The following GPR37L1 variants were observed in gnomAD, a reference collection of about 807,000 sequenced individuals.
The protein encoded by GPR37L1 is G protein-coupled receptor 37 like 1.
A neutral mutation model predicts 18.0 loss-of-function variants in GPR37L1; 18 were observed. That is an observed-to-expected ratio of 1.00 (90% CI 0.69 to 1.49). GPR37L1 has a LOEUF of 1.49. Among genes scored for constraint, GPR37L1 ranks in the 40% most tolerant of loss-of-function variants. GPR37L1 has a pLI of 0.00. For synonymous variants in GPR37L1, 256 were observed against 273.9 expected, an observed-to-expected ratio of 0.93 and a Z score of 0.65; for missense variants, 558 against 615.1, an observed-to-expected ratio of 0.91 and a Z score of 0.98.
In GPR37L1 at chr1:202,126,838, CGTGTGTGTGTGT is replaced by C. The variant is rs111909066; in HGVS notation, c.631-883_631-872del. Among the ~76,000 whole-genome samples the C allele has an allele frequency of 2.0e-5, 3 of 146,448 alleles. No homozygotes were observed. In the Admixed American group the frequency reaches 2.0e-4, roughly 10 times the overall value. ...GGACAGGGCCAGGAGCAGAAACGTG[CGTGTGTGTGTGT>C]GTGTGTGTGTGTGTGTGTGCACGCG... is the stretch of plus-strand genomic sequence containing the variant. On this transcript the variant is annotated intron_variant, in intron 1 of 1. Coordinates refer to ENST00000367282, the MANE Select transcript of GPR37L1 (RefSeq NM_004767.5).
At position 202,128,600 on chromosome 1, in the gene GPR37L1, G is replaced by A. The variant is rs372455063; in HGVS notation, c.*44G>A. 9.0e-4 allele frequency: 1,018 copies of A among 1,129,792 alleles called. 4 individuals are homozygous for A. The highest frequency in any genetic ancestry group is 1.1e-3 in the Non-Finnish European group (862 of 790,140). 70.0% of individuals were successfully genotyped at this position (1,129,792 alleles called of 1,614,324 possible). A position where few individuals can be genotyped will look rare whatever the true frequency, so the allele number is the denominator to read the frequency against. ...GAGGGAGGGAGAGGCCGCCACCCCCGCCGGTGTCTGCTGTTCTTTCCCCAT... is the reference window on the plus strand; with the variant it reads ...GAGGGAGGGAGAGGCCGCCACCCCCACCGGTGTCTGCTGTTCTTTCCCCAT... On this transcript the variant is annotated 3_prime_UTR_variant, in exon 2 of 2. Coordinates refer to ENST00000367282, the MANE Select transcript of GPR37L1 (RefSeq NM_004767.5).
rs1654799272 is a variant in GPR37L1 at position 202,130,217 on chromosome 1, G to A, written c.*1661G>A. 6.6e-6 allele frequency: 1 copy of A among 152,556 alleles called. No individual in the cohort carries two copies. Among genetic ancestry groups the A allele is most frequent in the Non-Finnish European group, 1.5e-5 (1 of 68,374 alleles). 9.5% of individuals were successfully genotyped at this position (152,556 alleles called of 1,614,324 possible). The stretch of plus-strand genomic sequence containing the variant: ...AGGCCACCAGTCGCTCCCCGCCTGG[G>A]AGCTCAGCTTTCCTCAGAACCACCC... On this transcript the variant is annotated 3_prime_UTR_variant, in exon 2 of 2. Coordinates refer to ENST00000367282, the MANE Select transcript of GPR37L1 (RefSeq NM_004767.5).
chr1:202,128,623 C>T lies in GPR37L1; in HGVS notation c.*67C>T, dbSNP rs1571714092. The T allele has an allele frequency of 5.2e-6, 5 of 970,510 alleles. No homozygotes were observed. Among genetic ancestry groups the T allele is most frequent in the Non-Finnish European group, 7.7e-6 (5 of 652,922 alleles). 60.1% of individuals were successfully genotyped at this position (970,510 alleles called of 1,614,324 possible). A position where few individuals can be genotyped will look rare whatever the true frequency, so the allele number is the denominator to read the frequency against. ...CCGCCGGTGTCTGCTGTTCTTTCCC[C>T]ATAGGTCTTGCTTTGTTGCCTGTCT... On this transcript the variant is annotated 3_prime_UTR_variant, in exon 2 of 2. Transcript: ENST00000367282.
In GPR37L1 at chr1:202,128,380, G is replaced by A. The variant is rs138003036; in HGVS notation, c.1270G>A (p.Gly424Ser). 2 of 1,614,054 alleles carry A rather than the reference G, an allele frequency of 1.2e-6. No individual in the cohort carries two copies. Among genetic ancestry groups the A allele is most frequent in the Non-Finnish European group, 1.7e-6 (2 of 1,180,028 alleles). ...VLLLCICRPLGQAFLDCCCCC... is the reference protein window; with the variant it reads ...VLLLCICRPLSQAFLDCCCCC... The stretch of plus-strand genomic sequence containing the variant: ...GCTCCTTTGCATCTGCAGGCCGCTG[G>A]GCCAGGCCTTCCTGGACTGCTGCTG... Residue 424 changes from glycine (G) to serine (S), a missense_variant, in exon 2 of 2, where the codon GGC becomes AGC. Gly to Ser is a moderately conservative substitution (Grantham distance 56). Coordinates refer to ENST00000367282, the MANE Select transcript of GPR37L1 (RefSeq NM_004767.5).
chr1:202,125,681 C>G (rs1654639964), intron 1 of GPR37L1, among the ~76,000 whole-genome samples: 3 of 152,088 alleles, frequency 2.0e-5, no homozygotes, highest in Non-Finnish European at 4.4e-5. Context: ...AGAAAACACT[C>G]TTTCTTTTTT....
rs143037569 is a variant in GPR37L1 at position 202,133,411 on chromosome 1, C to T, written c.*4855C>T. 6.6e-6 allele frequency: 1 copy of T among 152,230 alleles called. No homozygotes were observed. Among genetic ancestry groups the T allele is most frequent in the Non-Finnish European group, 1.5e-5 (1 of 68,022 alleles). 9.4% of individuals were successfully genotyped at this position (152,230 alleles called of 1,614,324 possible). A position where few individuals can be genotyped will look rare whatever the true frequency, so the allele number is the denominator to read the frequency against. ...CCAGCACCATACACCCCCCCCAACA[C>T]AAAACTGGTCATTTATTTTTTTTGT... On this transcript the variant is annotated 3_prime_UTR_variant, in exon 2 of 2. Transcript: ENST00000367282.
In GPR37L1 at chr1:202,128,258, C is replaced by T. The variant is rs745348108; in HGVS notation, c.1148C>T (p.Ala383Val). Residue 383 changes from alanine to valine, a missense_variant, in exon 2 of 2, where the codon GCC (alanine) becomes GTC (valine). Ala to Val is a moderately conservative substitution (Grantham distance 64). Transcript: ENST00000367282. ...GAGAACGTCTGCAACATCGTGGTGG[C>T]CTACCTCTCCACCGAGCTGACCCGC... ...LPENVCNIVV[A>V]YLSTELTRQT... is the part of the protein sequence containing the mutation. 2 of 1,613,866 alleles carry T rather than the reference C, an allele frequency of 1.2e-6. No individual in the cohort carries two copies. The highest frequency in any genetic ancestry group is 1.3e-5 in the African/African-American group (1 of 74,898).
At chr1:202,127,363 G>A (rs1209483404) in intron 1 of GPR37L1, among the ~76,000 whole-genome samples, 2 of 151,584 alleles carry the variant, frequency 1.3e-5, no homozygotes, top group Non-Finnish European at 2.9e-5. Flanking sequence ...CACCCAGGCT[G>A]GAGTGCAGTG....
Position 202,123,024 on chromosome 1 carries a change from AG to A in GPR37L1, c.64del (p.Val22SerfsTer81). ...LAVILAVGLS[R>X]VSGGAPLHLG... ...TGTGATTTTGGCTGTGGGGCTAAGC[AG>A]GGTCTCTGGGGGTGCCCCCCTGCAC... On this transcript the variant is annotated frameshift_variant, in exon 1 of 2. Coordinates refer to ENST00000367282, the MANE Select transcript of GPR37L1 (RefSeq NM_004767.5). LOFTEE classifies it high-confidence loss of function. 1 of 1,613,518 alleles carries A rather than the reference AG, an allele frequency of 6.2e-7. No homozygotes were observed. The highest frequency in any genetic ancestry group is 8.5e-7 in the Non-Finnish European group (1 of 1,180,002).
Position 202,123,604 on chromosome 1 carries a change from GT to G in GPR37L1, c.630+13del. On this transcript the variant is annotated intron_variant, in intron 1 of 1. Transcript: ENST00000367282. ...GTGCCCTTCATGGAGGTGAGTGTGT[GT>G]TCTGTTTGAGCTCTGCTGGGAGGCT... 2 of 1,562,412 alleles carry G rather than the reference GT, an allele frequency of 1.3e-6. No individual in the cohort carries two copies. The highest frequency in any genetic ancestry group is 8.7e-7 in the Non-Finnish European group (1 of 1,155,468).
Position 202,130,038 on chromosome 1 carries a change from C to T in GPR37L1, c.*1482C>T, listed in dbSNP as rs1355368228. 2 of 152,680 alleles carry T rather than the reference C, an allele frequency of 1.3e-5. No individual in the cohort carries two copies. Among genetic ancestry groups the T allele is most frequent in the Non-Finnish European group, 2.9e-5 (2 of 68,488 alleles). The allele number at this position is 152,680 out of a possible 1,614,324, so 9.5% of individuals were successfully genotyped here. ...CCTTCCCGCCAGAGCTCCCACTGCC[C>T]CCGGCAGACCCTTCATGCAGCTTCT... On this transcript the variant is annotated 3_prime_UTR_variant, in exon 2 of 2. Coordinates refer to ENST00000367282, the MANE Select transcript of GPR37L1 (RefSeq NM_004767.5).
Position 202,132,835 on chromosome 1 carries a change from C to G in GPR37L1, c.*4279C>G, listed in dbSNP as rs1007762516. 1 of 152,552 alleles carries G rather than the reference C, an allele frequency of 6.6e-6. No individual in the cohort carries two copies. Among genetic ancestry groups the G allele is most frequent in the Admixed American group, 6.5e-5 (1 of 15,278 alleles). 9.4% of individuals were successfully genotyped at this position (152,552 alleles called of 1,614,324 possible). ...CAGAGGAGCGAGGGCAGGGCTCCTACCAGGAAACCCATAGCATTGACACTA... is the reference window on the plus strand; with the variant it reads ...CAGAGGAGCGAGGGCAGGGCTCCTAGCAGGAAACCCATAGCATTGACACTA... On this transcript the variant is annotated 3_prime_UTR_variant, in exon 2 of 2. Transcript: ENST00000367282.
chr1:202,128,042 G>T lies in GPR37L1; in HGVS notation c.932G>T (p.Trp311Leu). The change falls in exon 2 of 2, where the codon TGG becomes TTG. Residue 311 changes from tryptophan (W) to leucine (L), a missense_variant. Coordinates refer to ENST00000367282, the MANE Select transcript of GPR37L1 (RefSeq NM_004767.5). ...LVMTYQNARM[W>L]WYFGCYFCLP... ...ATGACCTACCAGAACGCCCGCATGT[G>T]GTGGTACTTTGGCTGCTACTTCTGC... 1 of 1,614,148 alleles carries T rather than the reference G, an allele frequency of 6.2e-7. No homozygotes were observed. Among genetic ancestry groups the T allele is most frequent in the Non-Finnish European group, 8.5e-7 (1 of 1,180,012 alleles).
In GPR37L1 at chr1:202,123,139, A is replaced by G. The variant is rs1169381888; in HGVS notation, c.176A>G (p.Tyr59Cys). The G allele has an allele frequency of 1.2e-6, 2 of 1,613,698 alleles. No individual in the cohort carries two copies. Among genetic ancestry groups the G allele is most frequent in the Non-Finnish European group, 1.7e-6 (2 of 1,179,798 alleles). Residue 59 changes from tyrosine to cysteine, a missense_variant, in exon 1 of 2, where the codon TAT (tyrosine) becomes TGT (cysteine). By Grantham distance (194) the Tyr-to-Cys change is radical. Coordinates refer to ENST00000367282, the MANE Select transcript of GPR37L1 (RefSeq NM_004767.5). The part of the protein sequence containing the change: ...EDEEAKGVQQ[Y>C]VPEEWAEYPR... Reference sequence around the variant, plus strand: ...GAGGAGGCCAAGGGCGTGCAGCAGTATGTGCCTGAGGAGTGGGCGGAGTAC... The same window carrying G: ...GAGGAGGCCAAGGGCGTGCAGCAGTGTGTGCCTGAGGAGTGGGCGGAGTAC...
rs1654776079 is a variant in GPR37L1 at position 202,129,512 on chromosome 1, ATGCCCATCCACTTTCTTG to A, written c.*961_*978del. The A allele has an allele frequency of 6.6e-6, 1 of 152,214 alleles. No individual in the cohort carries two copies. Among genetic ancestry groups the A allele is most frequent in the South Asian group, 2.1e-4 (1 of 4,832 alleles). 9.4% of individuals were successfully genotyped at this position (152,214 alleles called of 1,614,324 possible). A position where few individuals can be genotyped will look rare whatever the true frequency, so the allele number is the denominator to read the frequency against. On this transcript the variant is annotated 3_prime_UTR_variant, in exon 2 of 2. Transcript: ENST00000367282. ...CAATAAACTAGGTAGAACTACCCCT[ATGCCCATCCACTTTCTTG>A]TGCCACATTCTGGCAGGGCCCAGAT...
At position 202,123,388 on chromosome 1, in the gene GPR37L1, C is replaced by A; in HGVS notation, c.425C>A (p.Ala142Glu). 2 of 1,614,098 alleles carry A rather than the reference C, an allele frequency of 1.2e-6. No homozygotes were observed. Among genetic ancestry groups the A allele is most frequent in the Non-Finnish European group, 1.7e-6 (2 of 1,180,012 alleles). The change falls in exon 1 of 2, where the codon GCG becomes GAG. Residue 142 changes from alanine to glutamate, a missense_variant. By Grantham distance (107) the Ala-to-Glu change is moderately radical. Coordinates refer to ENST00000367282, the MANE Select transcript of GPR37L1 (RefSeq NM_004767.5). ...AIMLLALVVFAVGIVGNLSVM... is the reference protein window; with the variant it reads ...AIMLLALVVFEVGIVGNLSVM... ...ATGCTTCTGGCGCTGGTGGTGTTTG[C>A]GGTGGGCATTGTGGGCAACCTGTCG...
chr1:202,131,794 T>C lies in GPR37L1; in HGVS notation c.*3238T>C, dbSNP rs1368796837. On this transcript the variant is annotated 3_prime_UTR_variant, in exon 2 of 2. Transcript: ENST00000367282. ...ACTCAGTCACTCAAGCTGAGTGCTG[T>C]GGTGTGATCACAGCTCATTGCAGCC... The C allele has an allele frequency of 1.3e-5, 2 of 151,890 alleles. No homozygotes were observed. Among genetic ancestry groups the C allele is most frequent in the Non-Finnish European group, 1.5e-5 (1 of 67,990 alleles). The allele number at this position is 151,890 out of a possible 1,614,324, so 9.4% of individuals were successfully genotyped here.
At chr1:202,126,868 T>TGTGTGC (rs984736079) in intron 1 of GPR37L1, among the ~76,000 whole-genome samples, 11 of 151,008 alleles carry the variant, frequency 7.3e-5, no homozygotes, top group Non-Finnish European at 1.3e-4. Context: ...TGTGTGTGTG[T>TGTGTGC]GCACGCGTAA....
chr1:202,123,171 C>A lies in GPR37L1; in HGVS notation c.208C>A (p.Pro70Thr). Reference sequence around the variant, plus strand: ...TGAGGAGTGGGCGGAGTACCCCCGGCCCATTCACCCTGCTGGCCTGCAGCC... The same window carrying A: ...TGAGGAGTGGGCGGAGTACCCCCGGACCATTCACCCTGCTGGCCTGCAGCC... ...VPEEWAEYPR[P>T]IHPAGLQPTK... The change falls in exon 1 of 2, where the codon CCC becomes ACC. Residue 70 changes from proline to threonine, a missense_variant. Coordinates refer to ENST00000367282, the MANE Select transcript of GPR37L1 (RefSeq NM_004767.5). 1 of 1,613,294 alleles carries A rather than the reference C, an allele frequency of 6.2e-7. No individual in the cohort carries two copies. Among genetic ancestry groups the A allele is most frequent in the Non-Finnish European group, 8.5e-7 (1 of 1,179,628 alleles).
Sources: allele counts gnomAD v4.1 joint callset (sites outside exome capture counted in the v4.1 genomes callset), GRCh38; gene constraint gnomAD v4.1.1; transcripts MANE v1.5; gene names NCBI Gene and HGNC (gene_info 2026-07-23, HGNC 2026-07-21).